SLC4A5: variants seen among roughly 807,000 people sequenced by gnomAD.
The protein encoded by SLC4A5 is solute carrier family 4 member 5, also known as electrogenic sodium bicarbonate cotransporter 4.
In SLC4A5, 96 loss-of-function variants were observed where a neutral mutation model predicts 120.4. The ratio of observed to expected loss-of-function variants is 0.80; its 90% CI spans 0.68 to 0.94. The LOEUF (loss-of-function observed/expected upper bound fraction) is 0.94. Among genes scored for constraint, SLC4A5 ranks in the 40% least tolerant of loss-of-function variants. The pLI is 0.00. For synonymous variants in SLC4A5, 550 were observed against 571.1 expected (o/e 0.96, Z 0.53); for missense variants, 1,259 against 1,459.5 (o/e 0.86, Z 2.24).
chr2:74,315,622 A>C (rs1265163293), intron 5 of SLC4A5, among the ~76,000 whole-genome samples: 1 of 150,302 alleles, frequency 6.7e-6, no homozygotes, highest in Non-Finnish European at 1.5e-5. Context: ...ATATATATAA[A>C]AGTAATATAT....
intron 14 of SLC4A5, among the ~76,000 whole-genome samples, 183 bp from the exon 15 acceptor site, chr2:74,253,311 G>A (rs1670852488): frequency 6.6e-6 from 1 of 152,176 alleles, no homozygotes; most frequent in African/African-American, 2.4e-5. Context: ...GACACAGCAG[G>A]CACTGGGGGA....
intron 8 of SLC4A5, among the ~76,000 whole-genome samples, chr2:74,271,462 A>G (rs954924500): frequency 6.6e-6 from 1 of 152,134 alleles, no homozygotes; most frequent in African/African-American, 2.4e-5. Flanking sequence ...TGTGCTCCAG[A>G]CTATCCTAGG....
chr2:74,282,353 T>C (rs1015601263), intron 8 of SLC4A5, among the ~76,000 whole-genome samples: 1 of 152,270 alleles, frequency 6.6e-6, no homozygotes, highest in African/African-American at 2.4e-5. Flanking sequence ...GCCTTCAAGC[T>C]ACTCCTCTTT....
chr2:74,312,199 A>G lies in SLC4A5; in HGVS notation c.79+2746T>C, dbSNP rs1056924179. ...CTTTACTTCTAATCCATCTGTATCT[A>G]TATCTATACCTATCTATCTATATCT... On this transcript the variant is annotated intron_variant, in intron 6 of 30. Coordinates refer to ENST00000394019, the Ensembl canonical transcript of SLC4A5. Among the ~76,000 whole-genome samples the G allele has an allele frequency of 5.9e-5, 9 of 151,940 alleles. No homozygotes were observed. The South Asian group carries it at 1.7e-3, about 28-fold the overall frequency.
At chr2:74,258,979 G>T (rs1671052966) in intron 12 of SLC4A5, among the ~76,000 whole-genome samples, 1 of 152,088 alleles carries the variant, frequency 6.6e-6, no homozygotes, top group Non-Finnish European at 1.5e-5. Flanking sequence ...GGGGCCTCCT[G>T]TCCTTGAGGT....
At chr2:74,269,531 C>T (rs1338135971) in intron 8 of SLC4A5, among the ~76,000 whole-genome samples, 1 of 152,194 alleles carries the variant, frequency 6.6e-6, no homozygotes, top group Non-Finnish European at 1.5e-5. Context: ...CCGCGCCCGG[C>T]CAGTCCAAAT....
intron 30 of SLC4A5, among the ~76,000 whole-genome samples, chr2:74,220,706 CA>C (rs1694609533): frequency 6.7e-6 from 1 of 149,758 alleles, no homozygotes; most frequent in Non-Finnish European, 1.5e-5. Flanking sequence ...TTAGTAGAGA[CA>C]GGGTTTCACC....
intron 8 of SLC4A5, among the ~76,000 whole-genome samples, chr2:74,267,438 T>C (rs1244566544): frequency 6.6e-6 from 1 of 152,236 alleles, no homozygotes; most frequent in African/African-American, 2.4e-5. Flanking sequence ...ATTCTGTATG[T>C]CCATGTTGTG....
At chr2:74,306,739 C>G in intron 6 of SLC4A5, 3 of 1,200,976 alleles carry the variant, frequency 2.5e-6, no homozygotes, top group Non-Finnish European at 3.5e-6. Context: ...TGTCTCAGAA[C>G]TTTGGTGTCA....
At chr2:74,252,032 G>A (rs1312778626) in intron 16 of SLC4A5, 147 bp downstream of exon 16, 1 of 848,998 alleles carries the variant, frequency 1.2e-6, no homozygotes, top group East Asian at 2.5e-5. Flanking sequence ...GATCCATGAT[G>A]GGGTTCAAGG....
chr2:74,303,678 T>G (rs1395460744), intron 7 of SLC4A5, among the ~76,000 whole-genome samples: 1 of 152,280 alleles, frequency 6.6e-6, no homozygotes, highest in Admixed American at 6.5e-5. Flanking sequence ...GGGGGCTTTG[T>G]TGTCCTGGAA....
intron 19 of SLC4A5, 25 bp downstream of exon 19, chr2:74,247,011 C>T (rs766486268): frequency 9.3e-6 from 15 of 1,609,220 alleles, no homozygotes; most frequent in East Asian, 4.5e-5. Flanking sequence ...TGAGGGCCCA[C>T]GGCATGTCTG....
At chr2:74,223,621 A>G (rs1694737004) in intron 28 of SLC4A5, among the ~76,000 whole-genome samples, 1 of 152,258 alleles carries the variant, frequency 6.6e-6, no homozygotes, top group Admixed American at 6.5e-5. Flanking sequence ...TTGATATATC[A>G]TAATTCAGAG....
intron 4 of SLC4A5, among the ~76,000 whole-genome samples, chr2:74,330,596 G>C (rs1673333395): frequency 6.6e-6 from 1 of 151,414 alleles, no homozygotes; most frequent in Non-Finnish European, 1.5e-5. Context: ...ATAGATGGTG[G>C]TGGTGAGGTC....
exon 19 of SLC4A5, chr2:74,247,094 C>T: frequency 1.9e-6 from 3 of 1,614,138 alleles, no homozygotes; most frequent in East Asian, 2.2e-5. Context: ...GCTTGAAGTC[C>T]ATATTGATAG....
intron 10 of SLC4A5, 122 bp from the exon 11 acceptor site, chr2:74,262,354 G>A: frequency 1.8e-6 from 1 of 547,774 alleles, no homozygotes; most frequent in Non-Finnish European, 3.1e-6. Context: ...CCCCTTCTGG[G>A]AAGAAATTCT....
At chr2:74,225,399 C>T (rs1694807994) in intron 27 of SLC4A5, among the ~76,000 whole-genome samples, 1 of 152,124 alleles carries the variant, frequency 6.6e-6, no homozygotes, top group African/African-American at 2.4e-5. Context: ...AGTTTAAGAC[C>T]AGCCTGGCCA....
At chr2:74,290,855 G>A in intron 7 of SLC4A5, 1 of 721,326 alleles carries the variant, frequency 1.4e-6, no homozygotes, top group Non-Finnish European at 1.7e-6. Context: ...CTATGTGCCT[G>A]TGGTCTCTAG....
At chr2:74,257,804 C>G (rs1291359160) in intron 12 of SLC4A5, among the ~76,000 whole-genome samples, 2 of 152,160 alleles carry the variant, frequency 1.3e-5, no homozygotes, top group Admixed American at 6.5e-5. Context: ...TCTCAAACTC[C>G]TGGCCTCAAT....
Sources: allele counts gnomAD v4.1 joint callset (sites outside exome capture counted in the v4.1 genomes callset), GRCh38; gene constraint gnomAD v4.1.1; transcripts MANE v1.5; gene names NCBI Gene and HGNC (gene_info 2026-07-23, HGNC 2026-07-21).